TRPC4: variants seen among roughly 807,000 people sequenced by gnomAD.
The protein encoded by TRPC4 is short transient receptor potential channel 4.
A neutral mutation model predicts 99.4 loss-of-function variants in TRPC4; 49 were observed. That is an observed-to-expected ratio of 0.49 (90% CI 0.39 to 0.63). The LOEUF is 0.63. TRPC4 is among the 20% of genes least tolerant of loss of function. The probability of loss-of-function intolerance (pLI) is 0.00; values close to 1 mark genes in which losing one functional copy is unlikely to be tolerated. For synonymous variants in TRPC4, 454 were observed against 425.9 expected, an observed-to-expected ratio of 1.07 and a Z score of -0.81; for missense variants, 898 against 1,152.9, an observed-to-expected ratio of 0.78 and a Z score of 3.20.
At chr13:37,845,212 A>C (rs1258140775) in intron 1 of TRPC4, among the ~76,000 whole-genome samples, 1 of 152,156 alleles carries the variant, frequency 6.6e-6, no homozygotes, top group Non-Finnish European at 1.5e-5. Context: ...CCATCTCCTC[A>C]AATGTGGAGG....
At chr13:37,827,549 C>G (rs935714112) in intron 1 of TRPC4, among the ~76,000 whole-genome samples, 1 of 152,092 alleles carries the variant, frequency 6.6e-6, no homozygotes, top group Admixed American at 6.6e-5. Context: ...TGTCAGTGTG[C>G]CCCTGCTGGG....
intron 3 of TRPC4, among the ~76,000 whole-genome samples, chr13:37,730,062 G>T (rs1363053876): frequency 1.3e-5 from 2 of 152,032 alleles, no homozygotes; most frequent in African/African-American, 4.8e-5. Context: ...CACTCAGAAA[G>T]ACTACGACAG....
intron 2 of TRPC4, among the ~76,000 whole-genome samples, chr13:37,781,320 G>A (rs996972765): frequency 3.3e-5 from 5 of 151,964 alleles, no homozygotes; most frequent in Admixed American, 2.6e-4. Flanking sequence ...CTGTCTTATG[G>A]TTGCCTATAT....
At chr13:37,848,364 TA>T (rs1165641778) in intron 1 of TRPC4, among the ~76,000 whole-genome samples, 1 of 152,078 alleles carries the variant, frequency 6.6e-6, no homozygotes, top group Non-Finnish European at 1.5e-5. Flanking sequence ...AACTTTAATA[TA>T]AAAACCATTG....
intron 3 of TRPC4, among the ~76,000 whole-genome samples, chr13:37,709,377 T>A (rs578073575): frequency 9.1e-4 from 138 of 152,072 alleles, no homozygotes; most frequent in Middle Eastern, 6.8e-3. Context: ...ATAAAATATT[T>A]TGCTGTAATA....
chr13:37,656,419 A>G lies in TRPC4; in HGVS notation c.1689-1136T>C, dbSNP rs189323683. ...GGAATGGTGTTGCAGAACCAAGTCAATTATGGCTTCTGGCAACTCCCAGCC... is the reference window on the plus strand; with the variant it reads ...GGAATGGTGTTGCAGAACCAAGTCAGTTATGGCTTCTGGCAACTCCCAGCC... On this transcript the variant is annotated intron_variant, in intron 6 of 10. Coordinates refer to ENST00000379705, the MANE Select transcript of TRPC4 (RefSeq NM_016179.4). Among the ~76,000 whole-genome samples, 142 of 152,282 alleles carry G rather than the reference A, an allele frequency of 9.3e-4. 1 individual carries two copies. In the South Asian group the frequency reaches 0.013, roughly 14 times the overall value.
intron 2 of TRPC4, among the ~76,000 whole-genome samples, chr13:37,748,610 T>G (rs1955849700): frequency 6.6e-6 from 1 of 151,834 alleles, no homozygotes; most frequent in Non-Finnish European, 1.5e-5. Context: ...ATTGGTTTGT[T>G]GAATGGTCAA....
intron 1 of TRPC4, among the ~76,000 whole-genome samples, chr13:37,820,872 CA>C (rs1957989669): frequency 6.6e-6 from 1 of 151,836 alleles, no homozygotes; most frequent in Non-Finnish European, 1.5e-5. Context: ...TTAAAAACTG[CA>C]ACAAAACAAG....
chr13:37,725,536 C>G (rs1485777222), intron 3 of TRPC4, among the ~76,000 whole-genome samples: 6 of 152,032 alleles, frequency 3.9e-5, no homozygotes, highest in Admixed American at 3.9e-4. Context: ...AGATTATCAA[C>G]AGATTTCTCA....
At position 37,745,473 on chromosome 13, in the gene TRPC4, T is replaced by TATAC. The variant is rs1288455219; in HGVS notation, c.897+463_897+464insGTAT. Among the ~76,000 whole-genome samples, 8 of 5,380 alleles carry TATAC rather than the reference T, an allele frequency of 1.5e-3. No individual in the cohort carries two copies. The Admixed American group carries it at 0.015, about 10-fold the overall frequency. 3.5% of individuals were successfully genotyped at this position (5,380 alleles called of 152,430 possible). On this transcript the variant is annotated intron_variant, in intron 3 of 10. Coordinates refer to ENST00000379705, the MANE Select transcript of TRPC4 (RefSeq NM_016179.4). ...ATATATATATATATATATATATATA[T>TATAC]ACACACACACACACACTTATATATA...
intron 1 of TRPC4, among the ~76,000 whole-genome samples, chr13:37,832,134 T>C (rs1223021646): frequency 6.6e-6 from 1 of 152,242 alleles, no homozygotes; most frequent in Non-Finnish European, 1.5e-5. Flanking sequence ...AACACAACAT[T>C]ACATTGTACC....
At chr13:37,857,099 G>A (rs1332863433) in intron 1 of TRPC4, among the ~76,000 whole-genome samples, 2 of 151,096 alleles carry the variant, frequency 1.3e-5, no homozygotes, top group African/African-American at 2.4e-5. Context: ...CAAAATTAAT[G>A]TACAAAAATT....
At chr13:37,862,157 T>G (rs1226596539) in intron 1 of TRPC4, among the ~76,000 whole-genome samples, 1 of 151,422 alleles carries the variant, frequency 6.6e-6, no homozygotes, top group Non-Finnish European at 1.5e-5. Flanking sequence ...AAGAATCTCT[T>G]AAGCCAAGGT....
At chr13:37,817,506 G>A (rs1195639866) in intron 1 of TRPC4, among the ~76,000 whole-genome samples, 2 of 151,868 alleles carry the variant, frequency 1.3e-5, no homozygotes, top group African/African-American at 4.8e-5. Context: ...AGATTCTTCA[G>A]GGTAGTAGAG....
intron 2 of TRPC4, among the ~76,000 whole-genome samples, chr13:37,759,304 CA>C (rs1956167447): frequency 1.3e-5 from 2 of 151,636 alleles, no homozygotes; most frequent in African/African-American, 4.8e-5. Context: ...AAACAAAAGG[CA>C]ACAAAATTTT....
intron 3 of TRPC4, among the ~76,000 whole-genome samples, chr13:37,729,944 T>C (rs1271369767): frequency 1.3e-5 from 2 of 151,988 alleles, no homozygotes; most frequent in East Asian, 3.9e-4. Flanking sequence ...TTAATGCCAC[T>C]CAACTACACA....
intron 1 of TRPC4, among the ~76,000 whole-genome samples, chr13:37,796,973 G>A (rs9532120): frequency 0.62 from 61,133 of 98,718 alleles, 15,530 homozygotes; most frequent in Non-Finnish European, 0.69. Context: ...ATAAAATAAA[G>A]TAAAGTAAAG....
intron 5 of TRPC4, 93 bp from the exon 6 acceptor site, chr13:37,663,822 G>C: frequency 8.5e-7 from 1 of 1,174,418 alleles, no homozygotes; most frequent in Admixed American, 3.0e-5. Flanking sequence ...ATTAAATTTT[G>C]AACAAAATAA....
At chr13:37,848,999 A>G (rs937484204) in intron 1 of TRPC4, among the ~76,000 whole-genome samples, 1 of 152,090 alleles carries the variant, frequency 6.6e-6, no homozygotes, top group Non-Finnish European at 1.5e-5. Flanking sequence ...GCTGTTAAGC[A>G]GGCTTGATTA....
Sources: gnomAD v4.1 joint callset for allele counts (sites outside exome capture counted in the v4.1 genomes callset) on GRCh38, gnomAD v4.1.1 for gene constraint, MANE v1.5 for transcripts, NCBI Gene and HGNC (gene_info 2026-07-23, HGNC 2026-07-21) for gene names.